NOTCH2NLA: variants seen among roughly 807,000 people sequenced by gnomAD.
The protein encoded by NOTCH2NLA is notch homolog 2 N-terminal-like protein A.
At chr1:146,158,273 G>T (rs1202222101) in intron 3 of NOTCH2NLA, among the ~76,000 whole-genome samples, 1 of 145,826 alleles carries the variant, frequency 6.9e-6, no homozygotes, top group African/African-American at 2.5e-5. Context: ...CCATTAACTC[G>T]TCATTTACAT....
downstream of NOTCH2NLA, chr1:146,152,815 GAT>G (rs1439598884): frequency 6.7e-6 from 1 of 149,200 alleles, no homozygotes; most frequent in Non-Finnish European, 1.5e-5. Flanking sequence ...CTCTCTTGAA[GAT>G]ATTTTTCTCC....
Position 146,200,424 on chromosome 1 carries a change from GAAAAAA to G in NOTCH2NLA, c.-44-11049_-44-11044del, listed in dbSNP as rs1173459520. On this transcript the variant is annotated intron_variant, in intron 1 of 4. Transcript: ENST00000362074. ...GGTGACACAGCAAGACTCTGCCTGAGAAAAAAAAAAAAAAATATATATATATATATA... is the reference window on the plus strand; with the variant it reads ...GGTGACACAGCAAGACTCTGCCTGAGAAAAAAAAATATATATATATATATA... 1.4e-3 allele frequency among the ~76,000 whole-genome samples: 23 copies of G among 16,438 alleles called. 7 individuals carry two copies. Among genetic ancestry groups the G allele is most frequent in the African/African-American group, 7.4e-3 (20 of 2,710 alleles). The allele number at this position is 16,438 out of a possible 152,430, so 10.8% of individuals were successfully genotyped here.
chr1:146,195,156 CTGAG>C lies in NOTCH2NLA; in HGVS notation c.-44-5779_-44-5776del, dbSNP rs1194328751. On this transcript the variant is annotated intron_variant, in intron 1 of 4. Transcript: ENST00000362074. ...GGATATGGAAAACATTTCGTCTTTT[CTGAG>C]TATTTGAAGCAATGCAGTTAAGCAG... Among the ~76,000 whole-genome samples the C allele has an allele frequency of 1.6e-4, 18 of 112,146 alleles. 3 individuals carry two copies. Among genetic ancestry groups the C allele is most frequent in the Admixed American group, 3.7e-4 (4 of 10,906 alleles). 73.6% of individuals were successfully genotyped at this position (112,146 alleles called of 152,430 possible). A position where few individuals can be genotyped will look rare whatever the true frequency, so the allele number is the denominator to read the frequency against.
At chr1:146,186,693 T>TC (rs1662782646) in intron 2 of NOTCH2NLA, among the ~76,000 whole-genome samples, 1 of 127,020 alleles carries the variant, frequency 7.9e-6, no homozygotes, top group Non-Finnish European at 1.8e-5. Flanking sequence ...GAGATTAGTC[T>TC]CCCCTAGAAA....
At chr1:146,157,050 A>AT (rs1432050299) in intron 3 of NOTCH2NLA, among the ~76,000 whole-genome samples, 1 of 148,758 alleles carries the variant, frequency 6.7e-6, no homozygotes, top group East Asian at 2.0e-4. Flanking sequence ...CCTGGAGGCA[A>AT]TTGTAGGTTA....
At chr1:146,180,255 A>G (rs1362544269) in intron 2 of NOTCH2NLA, among the ~76,000 whole-genome samples, 4 of 142,904 alleles carry the variant, frequency 2.8e-5, no homozygotes, top group African/African-American at 9.8e-5. Context: ...ATTAACACCT[A>G]CCTTTCTCCT....
chr1:146,200,439 ATATATAT>A (rs1168291944), intron 1 of NOTCH2NLA, among the ~76,000 whole-genome samples: 2 of 19,354 alleles, frequency 1.0e-4, no homozygotes, highest in East Asian at 2.1e-3. Context: ...AAAAAAAAAA[ATATATAT>A]ATATATATAT....
chr1:146,158,614 C>T (rs1345814505), intron 3 of NOTCH2NLA, among the ~76,000 whole-genome samples: 1 of 151,166 alleles, frequency 6.6e-6, no homozygotes. Context: ...TGAATAGTGC[C>T]GCAATAAACA....
At chr1:146,172,867 A>C (rs1772516) in intron 2 of NOTCH2NLA, among the ~76,000 whole-genome samples, 13 of 144,790 alleles carry the variant, frequency 9.0e-5, no homozygotes, top group African/African-American at 1.5e-4. Flanking sequence ...ACCTGAGTAC[A>C]TAAACCCCAC....
At chr1:146,153,790 ACTC>A (rs1661011163), downstream of NOTCH2NLA, 1 of 151,214 alleles carries the variant, frequency 6.6e-6, no homozygotes, top group Non-Finnish European at 1.5e-5. Flanking sequence ...TATTTTCTGA[ACTC>A]CACCTGGGAC....
At chr1:146,161,830 G>A (rs1661523524) in intron 3 of NOTCH2NLA, among the ~76,000 whole-genome samples, 1 of 68,884 alleles carries the variant, frequency 1.5e-5, no homozygotes, top group African/African-American at 9.1e-5. Context: ...GAGTATTCAT[G>A]GAATACAGGA....
intron 2 of NOTCH2NLA, among the ~76,000 whole-genome samples, chr1:146,172,112 CA>C: frequency 7.6e-6 from 1 of 131,442 alleles, no homozygotes; most frequent in African/African-American, 2.8e-5. Flanking sequence ...GTGAATCTAG[CA>C]ATTTCCCCAG....
chr1:146,172,994 C>A (rs1445164451), intron 2 of NOTCH2NLA, among the ~76,000 whole-genome samples: 7 of 150,256 alleles, frequency 4.7e-5, no homozygotes, highest in Non-Finnish European at 1.0e-4. Flanking sequence ...GAATAACAGG[C>A]CAAATCAACC....
chr1:146,170,422 C>A, intron 2 of NOTCH2NLA, among the ~76,000 whole-genome samples: 1 of 82,654 alleles, frequency 1.2e-5, no homozygotes, highest in Admixed American at 1.5e-4. Context: ...GTGAAAGAAG[C>A]CACACACAAA....
chr1:146,223,913 T>C (rs1553819049), intron 1 of NOTCH2NLA, among the ~76,000 whole-genome samples: 1 of 132,098 alleles, frequency 7.6e-6, no homozygotes, highest in African/African-American at 2.8e-5. Flanking sequence ...TGCCGCTCAG[T>C]TGACTCTGAA....
At chr1:146,198,656 A>T (rs1262227998) in intron 1 of NOTCH2NLA, among the ~76,000 whole-genome samples, 1 of 16,266 alleles carries the variant, frequency 6.1e-5, no homozygotes, top group Non-Finnish European at 1.2e-4. Context: ...GAAAGTGAAT[A>T]TGAAGTGTTA....
chr1:146,219,804 A>ATAT lies in NOTCH2NLA; in HGVS notation c.-45+8904_-45+8905insATA, dbSNP rs1449404317. 8.5e-4 allele frequency among the ~76,000 whole-genome samples: 72 copies of ATAT among 84,918 alleles called. 3 individuals carry two copies. The highest frequency in any genetic ancestry group is 4.5e-3 in the African/African-American group (65 of 14,302). 55.7% of individuals were successfully genotyped at this position (84,918 alleles called of 152,430 possible). On this transcript the variant is annotated intron_variant, in intron 1 of 4. Coordinates refer to ENST00000362074, the Ensembl canonical transcript of NOTCH2NLA. ...AGATCTGTTCATAAACTAAAAAAAA[A>ATAT]AAATATATATATATATATAAATAAA...
At chr1:146,158,425 T>G (rs868995488) in intron 3 of NOTCH2NLA, among the ~76,000 whole-genome samples, 1 of 151,918 alleles carries the variant, frequency 6.6e-6, no homozygotes, top group Non-Finnish European at 1.5e-5. Flanking sequence ...GTTTAGTTTT[T>G]TGTCCTTGCA....
At chr1:146,224,081 G>C in intron 1 of NOTCH2NLA, among the ~76,000 whole-genome samples, 1 of 75,982 alleles carries the variant, frequency 1.3e-5, no homozygotes, top group East Asian at 3.3e-4. Flanking sequence ...GTTTTTGTCA[G>C]TAGGGTGTTC....
Sources: gnomAD v4.1 joint callset for allele counts (sites outside exome capture counted in the v4.1 genomes callset) on GRCh38, gnomAD v4.1.1 for gene constraint, MANE v1.5 for transcripts, NCBI Gene and HGNC (gene_info 2026-07-23, HGNC 2026-07-21) for gene names.